The following CCDC68 variants were observed in gnomAD, a reference collection of about 807,000 sequenced individuals.
The protein encoded by CCDC68 is coiled-coil domain-containing protein 68.
In CCDC68, 45 loss-of-function variants were observed where a neutral mutation model predicts 47.1. That is an observed-to-expected ratio of 0.96 (90% confidence interval 0.75 to 1.23). CCDC68 has a LOEUF of 1.23. CCDC68 is among the 50% of genes most tolerant of loss of function. The pLI is 0.00. For missense variants in CCDC68, 353 were observed against 373.6 expected, an observed-to-expected ratio of 0.94 and a Z score of 0.45; for synonymous variants, 131 against 129.5, an observed-to-expected ratio of 1.01 and a Z score of -0.08.
chr18:54,905,538 T>A (rs915988755), intron 11 of CCDC68, among the ~76,000 whole-genome samples: 23 of 151,964 alleles, frequency 1.5e-4, no homozygotes, highest in African/African-American at 5.3e-4. Flanking sequence ...TATGTGTACA[T>A]AATTTTCTAA....
chr18:54,924,912 T>A (rs1467540122), intron 8 of CCDC68, among the ~76,000 whole-genome samples: 1 of 152,188 alleles, frequency 6.6e-6, no homozygotes, highest in African/African-American at 2.4e-5. Flanking sequence ...TGGCTTTTAT[T>A]GAATTGTGTT....
chr18:54,951,062 C>T (rs1159492094), intron 1 of CCDC68, among the ~76,000 whole-genome samples: 1 of 149,816 alleles, frequency 6.7e-6, no homozygotes, highest in Non-Finnish European at 1.5e-5. Flanking sequence ...GCGCCCGCTA[C>T]CACGCCCGGC....
At chr18:54,957,381 G>C (rs1483907836) in intron 1 of CCDC68, among the ~76,000 whole-genome samples, 1 of 152,188 alleles carries the variant, frequency 6.6e-6, no homozygotes, top group East Asian at 1.9e-4. Context: ...TATGTGGTCT[G>C]TAAATCTATG....
chr18:54,917,554 C>A (rs1360329657), intron 10 of CCDC68, among the ~76,000 whole-genome samples: 1 of 152,048 alleles, frequency 6.6e-6, no homozygotes, highest in African/African-American at 2.4e-5. Flanking sequence ...AATAACAATA[C>A]AATCTTTTAA....
intron 10 of CCDC68, among the ~76,000 whole-genome samples, chr18:54,911,129 C>A (rs570338134): frequency 1.3e-5 from 2 of 152,228 alleles, no homozygotes; most frequent in South Asian, 2.1e-4. Context: ...GCAACCTCCA[C>A]CTCCACTTCC....
intron 2 of CCDC68, among the ~76,000 whole-genome samples, chr18:54,944,702 A>G (rs1410928606): frequency 6.6e-6 from 1 of 152,232 alleles, no homozygotes; most frequent in South Asian, 2.1e-4. Context: ...TGATGAGGGA[A>G]AGTTTATTTA....
chr18:54,954,113 T>G (rs1272397916), intron 1 of CCDC68, among the ~76,000 whole-genome samples: 2 of 150,842 alleles, frequency 1.3e-5, no homozygotes, highest in Non-Finnish European at 3.0e-5. Flanking sequence ...TGGAGTGCAG[T>G]GGCTCAATCT....
At chr18:54,925,377 G>A (rs1309202816) in intron 8 of CCDC68, among the ~76,000 whole-genome samples, 1 of 152,092 alleles carries the variant, frequency 6.6e-6, no homozygotes, top group African/African-American at 2.4e-5. Context: ...TGAATAGCCT[G>A]AGCATGGCCA....
chr18:54,911,777 T>A (rs1320492880), intron 10 of CCDC68, among the ~76,000 whole-genome samples: 2 of 152,194 alleles, frequency 1.3e-5, no homozygotes, highest in Admixed American at 6.5e-5. Context: ...TAAAAGCTAC[T>A]TAGGTTTTCC....
chr18:54,915,353 T>A (rs2043927280), intron 10 of CCDC68, among the ~76,000 whole-genome samples: 1 of 152,228 alleles, frequency 6.6e-6, no homozygotes, highest in Non-Finnish European at 1.5e-5. Context: ...AGCCACTCAA[T>A]AATTAAGTGT....
chr18:54,940,458 G>A (rs1435038796), intron 4 of CCDC68, among the ~76,000 whole-genome samples: 4 of 152,214 alleles, frequency 2.6e-5, no homozygotes, highest in African/African-American at 9.6e-5. Flanking sequence ...ACGTTCTGGT[G>A]GACTCTGTGG....
At chr18:54,933,437 C>T (rs1370410113) in intron 7 of CCDC68, among the ~76,000 whole-genome samples, 2 of 152,196 alleles carry the variant, frequency 1.3e-5, no homozygotes, top group Non-Finnish European at 2.9e-5. Context: ...ACCAATATCA[C>T]TGGGTTTGAG....
chr18:54,953,941 C>T (rs1439514287), intron 1 of CCDC68, among the ~76,000 whole-genome samples: 4 of 150,278 alleles, frequency 2.7e-5, no homozygotes, highest in Admixed American at 1.3e-4. Flanking sequence ...ATGAAAATAT[C>T]TACTTATTCA....
intron 8 of CCDC68, 112 bp from the exon 9 acceptor site, chr18:54,919,488 G>A (rs983307005): frequency 2.9e-5 from 25 of 876,904 alleles, no homozygotes; most frequent in Non-Finnish European, 4.6e-5. Flanking sequence ...GGATCAGTTG[G>A]GTAAGACCCC....
At position 54,934,840 on chromosome 18, in the gene CCDC68, G is replaced by A. The variant is rs2044316799; in HGVS notation, c.580C>T (p.Leu194Phe). ...KHSQITELENLVQRMEKEKRT... is the reference protein window; with the variant it reads ...KHSQITELENFVQRMEKEKRT... ...CGTACCTTTTCCATTCTCTGTACAA[G>A]GTTCTCCAATTCTGTAATTTGACTG... Residue 194 changes from leucine (L) to phenylalanine (F), a missense_variant, in exon 7 of 12, where the codon CTT becomes TTT. Leu to Phe is a conservative substitution (Grantham distance 22). Coordinates refer to ENST00000591504, the MANE Select transcript of CCDC68 (RefSeq NM_025214.3). The A allele has an allele frequency of 6.3e-7, 1 of 1,589,158 alleles. No homozygotes were observed. The highest frequency in any genetic ancestry group is 1.8e-5 in the Admixed American group (1 of 56,056).
chr18:54,955,506 C>T (rs1423664567), intron 1 of CCDC68, among the ~76,000 whole-genome samples: 1 of 152,072 alleles, frequency 6.6e-6, no homozygotes, highest in African/African-American at 2.4e-5. Flanking sequence ...GAGAAATCTT[C>T]CTAAGAGGAT....
Position 54,913,047 on chromosome 18 carries a change from C to T in CCDC68, c.873+4866G>A, listed in dbSNP as rs1043424299. Among the ~76,000 whole-genome samples, 5 of 152,146 alleles carry T rather than the reference C, an allele frequency of 3.3e-5. No individual in the cohort carries two copies. The South Asian group carries it at 1.0e-3, about 32-fold the overall frequency. ...ACAGCCAAACCATATCACCCAAATA[C>T]CCAGATAAGCAGATATTGATGGGCA... On this transcript the variant is annotated intron_variant, in intron 10 of 11. Transcript: ENST00000591504.
intron 8 of CCDC68, among the ~76,000 whole-genome samples, chr18:54,921,644 G>A (rs1053279439): frequency 1.3e-5 from 2 of 152,202 alleles, no homozygotes; most frequent in South Asian, 2.1e-4. Flanking sequence ...ACAAGAACAC[G>A]CGTCAAGCGT....
At chr18:54,907,903 AT>A (rs1568130459) in intron 10 of CCDC68, 41 bp from the exon 11 acceptor site, 1 of 1,106,480 alleles carries the variant, frequency 9.0e-7, no homozygotes, top group Non-Finnish European at 1.4e-6. Flanking sequence ...TAGCTAACAC[AT>A]TTATTAGCTA....
Sources: gnomAD v4.1 joint callset for allele counts (sites outside exome capture counted in the v4.1 genomes callset) on GRCh38, gnomAD v4.1.1 for gene constraint, MANE v1.5 for transcripts, NCBI Gene and HGNC (gene_info 2026-07-23, HGNC 2026-07-21) for gene names.